Variants in BIRC6 observed in about 807,000 individuals in gnomAD.
BIRC6 encodes the protein baculoviral IAP repeat containing 6.
In BIRC6, 98 loss-of-function variants were observed where a neutral mutation model predicts 503.3. The observed-to-expected ratio is 0.19, with a 90% CI of 0.17 to 0.23. The LOEUF (loss-of-function observed/expected upper bound fraction) is 0.23. Among genes scored for constraint, BIRC6 ranks in the 10% least tolerant of loss-of-function variants. The pLI is 1.00. For missense variants in BIRC6, 5,360 were observed against 5,806.0 expected, an observed-to-expected ratio of 0.92 and a Z score of 2.50; for synonymous variants, 2,240 against 2,078.7, an observed-to-expected ratio of 1.08 and a Z score of -2.11.
At position 32,549,371 on chromosome 2, in the gene BIRC6, C is replaced by A; in HGVS notation, c.13034C>A (p.Ser4345Tyr). 6.6e-7 allele frequency: 1 copy of A among 1,506,472 alleles called. No homozygotes were observed. Among genetic ancestry groups the A allele is most frequent in the Non-Finnish European group, 9.0e-7 (1 of 1,106,462 alleles). 93.3% of individuals were successfully genotyped at this position (1,506,472 alleles called of 1,614,324 possible). The change falls in exon 65 of 74, where the codon TCT becomes TAT. Residue 4345 changes from serine to tyrosine, a missense_variant. This residue lies in a region of BIRC6 where 477 missense variants were observed against 574.4 expected (regional missense o/e 0.83). Coordinates refer to ENST00000421745, the MANE Select transcript of BIRC6 (RefSeq NM_016252.4). Reference protein sequence around the residue: ...SSAVNGEAQSSHETRGQNSNA... With the variant: ...SSAVNGEAQSYHETRGQNSNA... Reference sequence around the variant, plus strand: ...GCGGTAAATGGAGAAGCTCAGTCATCTCATGAGACTAGAGGGCAGAACAGT... The same window carrying A: ...GCGGTAAATGGAGAAGCTCAGTCATATCATGAGACTAGAGGGCAGAACAGT...
chr2:32,456,893 G>A (rs567815845), intron 23 of BIRC6, among the ~76,000 whole-genome samples: 21 of 152,150 alleles, frequency 1.4e-4, no homozygotes, highest in East Asian at 5.8e-4. Flanking sequence ...TAGAATGGTT[G>A]TGTCTTTCTT....
chr2:32,447,123 A>G (rs1468806331), intron 21 of BIRC6, among the ~76,000 whole-genome samples: 1 of 149,304 alleles, frequency 6.7e-6, no homozygotes, highest in Non-Finnish European at 1.5e-5. Context: ...TTAGTACAGA[A>G]CAAAATGAAA....
intron 23 of BIRC6, among the ~76,000 whole-genome samples, chr2:32,455,180 C>T (rs1452396809): frequency 2.0e-5 from 3 of 151,778 alleles, no homozygotes; most frequent in Non-Finnish European, 4.4e-5. Flanking sequence ...AGATCGAGAC[C>T]ATCCTGGCTA....
chr2:32,537,375 C>T (rs2057320184), intron 61 of BIRC6, among the ~76,000 whole-genome samples: 1 of 152,142 alleles, frequency 6.6e-6, no homozygotes, highest in African/African-American at 2.4e-5. Flanking sequence ...AAGCACTCCT[C>T]AGCAAATGTA....
chr2:32,504,872 T>C, intron 49 of BIRC6, 133 bp from the exon 50 acceptor site: 1 of 783,630 alleles, frequency 1.3e-6, no homozygotes, highest in Non-Finnish European at 2.0e-6. Flanking sequence ...CTTAGGATAC[T>C]AAGTGCATTA....
chr2:32,492,316 C>G (rs1487633730), intron 44 of BIRC6, among the ~76,000 whole-genome samples: 1 of 152,004 alleles, frequency 6.6e-6, no homozygotes, highest in East Asian at 1.9e-4. Flanking sequence ...TTACCAAGAT[C>G]AAATATCTGC....
chr2:32,404,722 C>T (rs1376601027), intron 8 of BIRC6, among the ~76,000 whole-genome samples: 2 of 151,926 alleles, frequency 1.3e-5, no homozygotes, highest in South Asian at 2.1e-4. Flanking sequence ...CTCTGTCACC[C>T]GGGCTCACGG....
At chr2:32,508,298 T>G (rs1219236999) in intron 51 of BIRC6, 39 bp downstream of exon 51, 1 of 1,368,918 alleles carries the variant, frequency 7.3e-7, no homozygotes, top group Non-Finnish European at 9.7e-7. Flanking sequence ...TTTTTTTTTT[T>G]TTTTTGGCAT....
intron 12 of BIRC6, 58 bp from the exon 13 acceptor site, chr2:32,433,586 T>C (rs1419213892): frequency 2.1e-6 from 3 of 1,400,222 alleles, no homozygotes; most frequent in East Asian, 4.8e-5. Flanking sequence ...AATGATAATA[T>C]GGTTGTGGCT....
intron 67 of BIRC6, 132 bp downstream of exon 67, chr2:32,594,192 T>C (rs1472067671): frequency 1.2e-5 from 12 of 1,014,990 alleles, no homozygotes; most frequent in Non-Finnish European, 9.8e-6. Context: ...AAAAATTTTG[T>C]TCTCTGTTAG....
chr2:32,458,890 A>G (rs2047533184), intron 23 of BIRC6, among the ~76,000 whole-genome samples: 1 of 151,768 alleles, frequency 6.6e-6, no homozygotes, highest in African/African-American at 2.4e-5. Flanking sequence ...AGGTTTTGCC[A>G]TGTTGGCTCA....
chr2:32,539,578 C>T (rs944703665), intron 61 of BIRC6, among the ~76,000 whole-genome samples: 5 of 152,056 alleles, frequency 3.3e-5, no homozygotes, highest in African/African-American at 1.2e-4. Flanking sequence ...TTTAGTAACA[C>T]ATGGATGAAA....
At chr2:32,454,870 A>C (rs900709799) in intron 23 of BIRC6, among the ~76,000 whole-genome samples, 1 of 152,202 alleles carries the variant, frequency 6.6e-6, no homozygotes, top group East Asian at 1.9e-4. Flanking sequence ...TTATGTAGTG[A>C]ATATGAGCTT....
chr2:32,380,267 G>A lies in BIRC6; in HGVS notation c.622G>A (p.Ala208Thr), dbSNP rs779981497. The A allele has an allele frequency of 8.7e-6, 14 of 1,602,862 alleles. No individual in the cohort carries two copies. In the East Asian group the frequency reaches 3.1e-4, roughly 36 times the overall value. ...DGLKNTSHET[A>T]ANHKVAKWAT... is the part of the protein sequence containing the mutation. The stretch of plus-strand genomic sequence containing the variant: ...TTTAAAAAATACATCTCATGAGACT[G>A]CAGCAAACCACAAAGTTGCTAAGGT... The change falls in exon 3 of 74, where the codon GCA (alanine) becomes ACA (threonine). Residue 208 changes from alanine (A) to threonine (T), a missense_variant. Physicochemically the swap from Ala to Thr is moderately conservative, Grantham distance 58 (BLOSUM62 0). Coordinates refer to ENST00000421745, the MANE Select transcript of BIRC6 (RefSeq NM_016252.4).
At chr2:32,499,305 T>C (rs1294512477) in intron 45 of BIRC6, among the ~76,000 whole-genome samples, 1 of 152,214 alleles carries the variant, frequency 6.6e-6, no homozygotes, top group Non-Finnish European at 1.5e-5. Context: ...CTTAGTTTTG[T>C]ATTTGGAAGG....
chr2:32,404,990 A>G (rs1009754268), intron 8 of BIRC6, among the ~76,000 whole-genome samples: 5 of 152,136 alleles, frequency 3.3e-5, no homozygotes, highest in African/African-American at 1.2e-4. Context: ...AACTTTCAGA[A>G]TAAAACATTC....
In BIRC6 at chr2:32,575,284, G is replaced by C. The variant is rs140995365; in HGVS notation, c.13273G>C (p.Glu4425Gln). ...LSTENGEEEEEQSECQTSVGT... is the reference protein window; with the variant it reads ...LSTENGEEEEQQSECQTSVGT... ...TACAGAGAACGGTGAAGAGGAAGAA[G>C]AACAGTCAGAATGTCAAACTTCTGT... The change falls in exon 66 of 74, where the codon GAA becomes CAA. Residue 4425 changes from glutamate to glutamine, a missense_variant. This residue lies in a region of BIRC6 where 477 missense variants were observed against 574.4 expected (regional missense o/e 0.83). Coordinates refer to ENST00000421745, the MANE Select transcript of BIRC6 (RefSeq NM_016252.4). The C allele has an allele frequency of 7.4e-6, 12 of 1,613,962 alleles. No individual in the cohort carries two copies. The African/African-American group carries it at 1.3e-4, about 18-fold the overall frequency.
intron 59 of BIRC6, chr2:32,528,552 A>G (rs1029130677): frequency 6.6e-6 from 1 of 152,224 alleles, no homozygotes; most frequent in Non-Finnish European, 1.5e-5. Context: ...AATAGCTGAA[A>G]CAGGTATCCT....
chr2:32,485,778 T>C lies in BIRC6; in HGVS notation c.7813+19T>C, dbSNP rs773982616. 1.4e-6 allele frequency: 2 copies of C among 1,461,930 alleles called. No homozygotes were observed. Among genetic ancestry groups the C allele is most frequent in the African/African-American group, 1.4e-5 (1 of 71,790 alleles). 90.6% of individuals were successfully genotyped at this position (1,461,930 alleles called of 1,614,324 possible). ...CCTACATGTAAGTAAAATGACCATT[T>C]TTAGAGTATTGCAGTGAATGATTCA... On this transcript the variant is annotated intron_variant, in intron 40 of 73. Transcript: ENST00000421745.
Sources: allele counts gnomAD v4.1 joint callset (sites outside exome capture counted in the v4.1 genomes callset), GRCh38; gene constraint gnomAD v4.1.1; regional missense constraint gnomAD v4.1.1; transcripts MANE v1.5; gene names NCBI Gene and HGNC (gene_info 2026-07-23, HGNC 2026-07-21).